Variants in ZC3H12B observed in about 807,000 individuals in gnomAD.
ZC3H12B encodes the protein zinc finger CCCH-type containing 12B.
In ZC3H12B, 7 loss-of-function variants were observed where a neutral mutation model predicts 43.9. That is an observed-to-expected ratio of 0.16 (90% CI 0.09 to 0.30). ZC3H12B has a LOEUF of 0.30. ZC3H12B is among the 10% of genes least tolerant of loss of function. The pLI is 1.00. For missense variants in ZC3H12B, 475 were observed against 670.2 expected (o/e 0.71, Z 3.22); for synonymous variants, 222 against 241.7 (o/e 0.92, Z 0.76).
intron 3 of ZC3H12B, among the ~76,000 whole-genome samples, chrX:65,444,891 G>A (rs373627967): frequency 9.0e-6 from 1 of 111,509 alleles, no homozygotes; most frequent in Non-Finnish European, 1.9e-5. Context: ...TGTTGTTTTT[G>A]TTAGTATTTT....
the ZC3H12B span, among the ~76,000 whole-genome samples, chrX:65,236,719 T>C: frequency 8.9e-6 from 1 of 112,394 alleles, no homozygotes. Flanking sequence ...GAGTTAATTT[T>C]TGTATAAGAT....
chrX:65,269,705 GCC>G, the ZC3H12B span, among the ~76,000 whole-genome samples: 7 of 108,327 alleles, frequency 6.5e-5, no homozygotes, highest in Non-Finnish European at 1.1e-4. Context: ...TTGCTATGTT[GCC>G]CAGGCTGGTC....
intron 3 of ZC3H12B, chrX:65,408,062 G>T: frequency 2.5e-6 from 3 of 1,177,490 alleles, no homozygotes; most frequent in Non-Finnish European, 3.4e-6. Context: ...GGGGAACAGA[G>T]CCCCGGCCGC....
chrX:65,175,975 C>T, the ZC3H12B span, among the ~76,000 whole-genome samples: 1 of 111,424 alleles, frequency 9.0e-6, no homozygotes, highest in Non-Finnish European at 1.9e-5. Flanking sequence ...TTTGGGCAGA[C>T]ACCAAACTAG....
the ZC3H12B span, among the ~76,000 whole-genome samples, chrX:65,227,630 T>C: frequency 1.8e-5 from 2 of 111,051 alleles, no homozygotes; most frequent in Non-Finnish European, 3.8e-5. Context: ...ATTGATACAC[T>C]GCTAGCAAGA....
At chrX:65,469,401 C>T in intron 3 of ZC3H12B, 1 of 465,589 alleles carries the variant, frequency 2.1e-6, no homozygotes, top group South Asian at 3.1e-5. Context: ...CACCATCAAG[C>T]TCAAGGTGTT....
the ZC3H12B span, among the ~76,000 whole-genome samples, chrX:65,163,802 T>A: frequency 9.0e-6 from 1 of 111,570 alleles, no homozygotes; most frequent in Non-Finnish European, 1.9e-5. Flanking sequence ...TGTCTGGCAC[T>A]CCCTAGTGAG....
At chrX:65,051,730 G>A in the ZC3H12B span, among the ~76,000 whole-genome samples, 3 of 110,885 alleles carry the variant, frequency 2.7e-5, no homozygotes, top group African/African-American at 9.8e-5. Context: ...TAAGGAGAAA[G>A]GGAAAAAACT....
At chrX:65,388,545 A>AT (rs976103081) in intron 2 of ZC3H12B, among the ~76,000 whole-genome samples, 5 of 109,463 alleles carry the variant, frequency 4.6e-5, no homozygotes, top group African/African-American at 1.0e-4. Flanking sequence ...CATTTGTCTA[A>AT]TTTTTTTTTC....
rs763346862 is a variant in ZC3H12B, at chrX:65,387,501, T to C, written n.296-11092T>C. Among the ~76,000 whole-genome samples the C allele has an allele frequency of 2.0e-4, 22 of 112,067 alleles. No homozygotes were observed. In the South Asian group the frequency reaches 8.2e-3, roughly 42 times the overall value. On this transcript the variant is annotated intron_variant and non_coding_transcript_variant, in intron 2 of 5. Transcript: ENST00000617377. ...TGTTTTCCATTTGCTTGGTAGATCTTCCTCCATCCCTTTATTTTGAGCCTA... is the reference window on the plus strand; with the variant it reads ...TGTTTTCCATTTGCTTGGTAGATCTCCCTCCATCCCTTTATTTTGAGCCTA...
chrX:65,094,356 T>G, the ZC3H12B span, among the ~76,000 whole-genome samples: 3 of 108,521 alleles, frequency 2.8e-5, no homozygotes, highest in African/African-American at 3.4e-5. Context: ...TAATGAAAAA[T>G]GAAACAAGTT....
chrX:65,485,976 T>C (rs754488734), upstream of ZC3H12B, among the ~76,000 whole-genome samples: 4 of 112,180 alleles, frequency 3.6e-5, no homozygotes, highest in Admixed American at 3.8e-4. Flanking sequence ...TAACATGTTG[T>C]CTGGTGCATA....
chrX:65,328,877 T>C, the ZC3H12B span, among the ~76,000 whole-genome samples: 1 of 109,383 alleles, frequency 9.1e-6, no homozygotes, highest in Non-Finnish European at 1.9e-5. Flanking sequence ...AGGACAGGAT[T>C]TCATCATTTT....
At chrX:65,456,943 G>A (rs1482038520) in intron 3 of ZC3H12B, among the ~76,000 whole-genome samples, 1 of 104,093 alleles carries the variant, frequency 9.6e-6, no homozygotes, top group Non-Finnish European at 2.0e-5. Flanking sequence ...TGGCTGCCCA[G>A]TCTGGAAAGT....
At chrX:65,461,689 C>T (rs1285289999) in intron 3 of ZC3H12B, among the ~76,000 whole-genome samples, 1 of 110,904 alleles carries the variant, frequency 9.0e-6, no homozygotes, top group Non-Finnish European at 1.9e-5. Context: ...ACATCACACA[C>T]TAGGGCCTGT....
the ZC3H12B span, among the ~76,000 whole-genome samples, chrX:65,105,452 G>A: frequency 9.0e-6 from 1 of 111,234 alleles, no homozygotes; most frequent in South Asian, 3.8e-4. Flanking sequence ...AGCGGACATA[G>A]GGAGCAGCTA....
the ZC3H12B span, among the ~76,000 whole-genome samples, chrX:65,351,563 A>G: frequency 2.3e-3 from 262 of 112,541 alleles, 2 homozygotes; most frequent in African/African-American, 7.8e-3. Flanking sequence ...TTTGCAATCT[A>G]TCCATCTGAC....
rs926323248 is a variant in ZC3H12B, at chrX:65,463,566, TG to T, written n.408-25079del. Among the ~76,000 whole-genome samples, 6 of 111,531 alleles carry T rather than the reference TG, an allele frequency of 5.4e-5. No homozygotes were observed. The Admixed American group carries it at 5.7e-4, about 11-fold the overall frequency. ...TCTGAAATCTAGGTGCTGGCAGGGC[TG>T]CACTCTTTCCGGAGTTTATAAGAGA... On this transcript the variant is annotated intron_variant and non_coding_transcript_variant, in intron 3 of 5. Coordinates refer to the ZC3H12B transcript ENST00000617377.
the ZC3H12B span, among the ~76,000 whole-genome samples, chrX:65,301,773 G>C: frequency 9.0e-6 from 1 of 111,112 alleles, no homozygotes; most frequent in Non-Finnish European, 1.9e-5. Flanking sequence ...CTGGTGATGG[G>C]TGCACCAAAA....
Sources: gnomAD v4.1 joint callset for allele counts (sites outside exome capture counted in the v4.1 genomes callset) on GRCh38, gnomAD v4.1.1 for gene constraint, MANE v1.5 for transcripts, NCBI Gene and HGNC (gene_info 2026-07-23, HGNC 2026-07-21) for gene names.